Variants in CCDC83 observed in about 807,000 individuals in gnomAD.
CCDC83 encodes coiled-coil domain containing 83.
CCDC83 carries 54 observed loss-of-function variants against 50.1 expected under a neutral mutation model. The observed-to-expected ratio is 1.08, with a 90% CI of 0.87 to 1.35. CCDC83 has a LOEUF of 1.35. CCDC83 is among the 40% of genes most tolerant of loss of function. The pLI, the probability that CCDC83 is intolerant of heterozygous loss-of-function variation, is 0.00. For missense variants in CCDC83, 518 were observed against 473.9 expected (o/e 1.09, Z -0.86); for synonymous variants, 161 against 153.3 (o/e 1.05, Z -0.37).
chr11:85,906,939 A>G (rs1298885945), intron 7 of CCDC83, among the ~76,000 whole-genome samples: 1 of 152,056 alleles, frequency 6.6e-6, no homozygotes, highest in Non-Finnish European at 1.5e-5. Context: ...AAATCATTTT[A>G]TGGAAATGTA....
intron 1 of CCDC83, among the ~76,000 whole-genome samples, chr11:85,863,771 C>T (rs2093191305): frequency 1.3e-5 from 2 of 152,162 alleles, no homozygotes; most frequent in African/African-American, 4.8e-5. Context: ...AGTCTTTCCA[C>T]GCATCATCGT....
chr11:85,919,415 C>G lies in CCDC83; in HGVS notation c.1147C>G (p.His383Asp). ...TGTGGAGAGCAAGAAAATGCCCATT[C>G]ATTTTCAAGAGAAGGAAATTCCAGT... The part of the protein sequence containing the change: ...MSVESKKMPI[H>D]FQEKEIPVKL... Residue 383 changes from histidine (H) to aspartate (D), a missense_variant, in exon 11 of 11, where the codon CAT becomes GAT. By Grantham distance (81) the His-to-Asp change is moderately conservative (BLOSUM62 -1). Coordinates refer to ENST00000342404, the MANE Select transcript of CCDC83 (RefSeq NM_001286159.2). 3.7e-6 allele frequency: 6 copies of G among 1,613,536 alleles called. No individual in the cohort carries two copies. Among genetic ancestry groups the G allele is most frequent in the Non-Finnish European group, 5.1e-6 (6 of 1,179,632 alleles).
chr11:85,876,059 T>C (rs183658526), intron 3 of CCDC83, among the ~76,000 whole-genome samples: 2 of 152,324 alleles, frequency 1.3e-5, no homozygotes, highest in South Asian at 2.1e-4. Context: ...CCACTTCCTT[T>C]ATCTTAAAAC....
intron 7 of CCDC83, among the ~76,000 whole-genome samples, chr11:85,903,779 C>T (rs1313742122): frequency 6.6e-6 from 1 of 152,110 alleles, no homozygotes; most frequent in African/African-American, 2.4e-5. Flanking sequence ...CCTGACTAGA[C>T]TGGAATCTTT....
intron 3 of CCDC83, among the ~76,000 whole-genome samples, chr11:85,875,237 G>T (rs771491865): frequency 6.6e-6 from 1 of 152,246 alleles, no homozygotes; most frequent in Non-Finnish European, 1.5e-5. Flanking sequence ...GTAGGTATAT[G>T]TAAAATAGGT....
In CCDC83 at chr11:85,882,571, GT is replaced by G. The variant is rs773687560; in HGVS notation, c.240del (p.Ser80ArgfsTer11). The G allele has an allele frequency of 3.7e-6, 6 of 1,613,860 alleles. No homozygotes were observed. In the Admixed American group the frequency reaches 1.0e-4, roughly 27 times the overall value. ...ATACGGCATCTACTAAAGGAACTGAGTGAAGAGAAGGCAGAGGGATTGCCAG... is the reference window on the plus strand; with the variant it reads ...ATACGGCATCTACTAAAGGAACTGAGGAAGAGAAGGCAGAGGGATTGCCAG... ...WHIRHLLKEL[S>X]EEKAEGLPVV... On this transcript the variant is annotated frameshift_variant, in exon 4 of 11. Coordinates refer to ENST00000342404, the MANE Select transcript of CCDC83 (RefSeq NM_001286159.2). LOFTEE classifies it high-confidence loss of function.
intron 2 of CCDC83, among the ~76,000 whole-genome samples, chr11:85,872,357 C>T (rs372787167): frequency 3.3e-5 from 5 of 152,046 alleles, no homozygotes; most frequent in East Asian, 1.9e-4. Context: ...TGGGGGCAGG[C>T]GCCTATAATC....
intron 7 of CCDC83, among the ~76,000 whole-genome samples, chr11:85,906,423 CA>C (rs1438274457): frequency 6.6e-6 from 1 of 151,974 alleles, no homozygotes; most frequent in African/African-American, 2.4e-5. Flanking sequence ...AAAATGACTA[CA>C]AAAAATTTGC....
chr11:85,888,906 T>G (rs935873149), intron 5 of CCDC83, among the ~76,000 whole-genome samples: 1 of 152,262 alleles, frequency 6.6e-6, no homozygotes, highest in Admixed American at 6.5e-5. Context: ...GATCTGCCTA[T>G]GCATTTGTTA....
chr11:85,892,673 T>A (rs1040144306), intron 5 of CCDC83, among the ~76,000 whole-genome samples: 7 of 152,232 alleles, frequency 4.6e-5, no homozygotes, highest in African/African-American at 1.7e-4. Flanking sequence ...AAATCCATTA[T>A]GCTCCTGATC....
rs538116063 is a variant in CCDC83, at chr11:85,895,133, G to A, written c.512-160G>A. Among the ~76,000 whole-genome samples, 35 of 101,084 alleles carry A rather than the reference G, an allele frequency of 3.5e-4. 1 individual carries two copies. Among genetic ancestry groups the A allele is most frequent in the Admixed American group, 4.7e-4 (5 of 10,554 alleles). 66.3% of individuals were successfully genotyped at this position (101,084 alleles called of 152,430 possible). ...GTGGAAATCTAGTTAGATGAAGTCA[G>A]ACAGAATGCTACCCGAACAGATAAT... On this transcript the variant is annotated intron_variant, in intron 5 of 10. Transcript: ENST00000342404.
chr11:85,913,113 G>A (rs1444391569), intron 8 of CCDC83, among the ~76,000 whole-genome samples: 2 of 152,134 alleles, frequency 1.3e-5, no homozygotes, highest in Non-Finnish European at 1.5e-5. Context: ...TGGTTTTCCT[G>A]AGAGTAATAG....
chr11:85,901,188 G>A (rs2093400030), intron 7 of CCDC83, among the ~76,000 whole-genome samples: 1 of 152,026 alleles, frequency 6.6e-6, no homozygotes. Context: ...GCAACATGGT[G>A]AAACTCCATC....
chr11:85,874,169 G>C (rs902150171), intron 3 of CCDC83, among the ~76,000 whole-genome samples: 2 of 152,176 alleles, frequency 1.3e-5, no homozygotes, highest in Non-Finnish European at 2.9e-5. Flanking sequence ...CATATTTAGT[G>C]GATAAGACAA....
chr11:85,868,557 G>C (rs1305027644), intron 2 of CCDC83, among the ~76,000 whole-genome samples: 1 of 152,212 alleles, frequency 6.6e-6, no homozygotes, highest in Non-Finnish European at 1.5e-5. Context: ...TGTGTTTTTA[G>C]TAGAGATGGG....
chr11:85,918,483 A>T (rs1232921172), intron 10 of CCDC83, among the ~76,000 whole-genome samples: 1 of 152,216 alleles, frequency 6.6e-6, no homozygotes, highest in Non-Finnish European at 1.5e-5. Flanking sequence ...GGAGGAAGGG[A>T]CATTGGGTAG....
intron 2 of CCDC83, among the ~76,000 whole-genome samples, chr11:85,871,229 A>T (rs897470226): frequency 6.6e-6 from 1 of 152,202 alleles, no homozygotes; most frequent in South Asian, 2.1e-4. Flanking sequence ...GGCACCTTTC[A>T]GCTCTTTAAA....
chr11:85,883,451 C>T (rs989198343), intron 4 of CCDC83, among the ~76,000 whole-genome samples: 3 of 151,908 alleles, frequency 2.0e-5, no homozygotes, highest in Non-Finnish European at 4.4e-5. Flanking sequence ...TAGGGATTAG[C>T]GTTGGGAAAG....
chr11:85,908,880 A>G (rs899967809), intron 7 of CCDC83, among the ~76,000 whole-genome samples: 19 of 151,948 alleles, frequency 1.3e-4, no homozygotes, highest in African/African-American at 4.6e-4. Flanking sequence ...GTACCACTGC[A>G]CTCCAGTCTG....
Sources: gnomAD v4.1 joint callset for allele counts (sites outside exome capture counted in the v4.1 genomes callset) on GRCh38, gnomAD v4.1.1 for gene constraint, MANE v1.5 for transcripts, NCBI Gene and HGNC (gene_info 2026-07-23, HGNC 2026-07-21) for gene names.